Variants in ATP9A observed in about 807,000 individuals in gnomAD.
The protein encoded by ATP9A is probable phospholipid-transporting ATPase IIA.
Under a neutral mutation model 144.1 loss-of-function variants are expected in ATP9A, and 52 were observed. The ratio of observed to expected loss-of-function variants is 0.36; its 90% CI spans 0.29 to 0.45. The LOEUF is 0.45. Ranked by LOEUF, ATP9A falls within the 20% of genes least tolerant of loss-of-function variation. The pLI is 1.00. For missense variants in ATP9A, 947 were observed against 1,392.7 expected (o/e 0.68, Z 5.09); for synonymous variants, 582 against 557.4 (o/e 1.04, Z -0.62).
At chr20:51,610,728 G>C (rs1462951471) in intron 23 of ATP9A, among the ~76,000 whole-genome samples, 1 of 152,112 alleles carries the variant, frequency 6.6e-6, no homozygotes, top group Non-Finnish European at 1.5e-5. Flanking sequence ...GCTAACCAAA[G>C]TGCCGTAGGT....
At chr20:51,735,386 G>T (rs889473219) in intron 1 of ATP9A, among the ~76,000 whole-genome samples, 4 of 151,998 alleles carry the variant, frequency 2.6e-5, no homozygotes, top group African/African-American at 9.7e-5. Flanking sequence ...CTCCCTTTCA[G>T]GAAGAAGGAG....
At chr20:51,617,642 T>C (rs1292009350) in intron 21 of ATP9A, 88 bp from the exon 22 acceptor site, 6 of 1,463,320 alleles carry the variant, frequency 4.1e-6, no homozygotes, top group Non-Finnish European at 5.6e-6. Context: ...CTCTCGTCTT[T>C]CACGGAGCGC....
intron 14 of ATP9A, among the ~76,000 whole-genome samples, chr20:51,641,825 C>G (rs1301533258): frequency 4.5e-5 from 2 of 44,108 alleles, no homozygotes; most frequent in Non-Finnish European, 1.4e-4. Flanking sequence ...GAGCGAAACT[C>G]CATCTCAAAA....
chr20:51,631,670 T>C (rs542324031), intron 15 of ATP9A, among the ~76,000 whole-genome samples: 23 of 152,314 alleles, frequency 1.5e-4, no homozygotes, highest in African/African-American at 5.3e-4. Context: ...GGCCTCATCT[T>C]TTCCCACCGT....
chr20:51,743,457 T>C (rs2077793772), intron 1 of ATP9A, among the ~76,000 whole-genome samples: 1 of 128,050 alleles, frequency 7.8e-6, no homozygotes, highest in South Asian at 2.5e-4. Context: ...TGGAGTGCAG[T>C]GGCGGGATCT....
At chr20:51,693,368 G>A (rs1214203457) in intron 7 of ATP9A, among the ~76,000 whole-genome samples, 1 of 152,222 alleles carries the variant, frequency 6.6e-6, no homozygotes, top group Non-Finnish European at 1.5e-5. Flanking sequence ...CAGAATGACA[G>A]ACCCGACAGG....
At chr20:51,685,146 T>C (rs550697371) in intron 9 of ATP9A, among the ~76,000 whole-genome samples, 4 of 152,088 alleles carry the variant, frequency 2.6e-5, no homozygotes, top group African/African-American at 9.6e-5. Context: ...GGGCAAAAAT[T>C]AGAAAGCCAA....
chr20:51,614,600 C>T (rs945924145), intron 22 of ATP9A, among the ~76,000 whole-genome samples: 2 of 152,068 alleles, frequency 1.3e-5, no homozygotes, highest in Non-Finnish European at 2.9e-5. Flanking sequence ...TGCACCTGGC[C>T]GAATTCTCTC....
intron 8 of ATP9A, among the ~76,000 whole-genome samples, chr20:51,690,491 A>C (rs2077543702): frequency 6.6e-6 from 1 of 152,226 alleles, no homozygotes; most frequent in South Asian, 2.1e-4. Context: ...GCCAGCGTTC[A>C]CATGAATTGC....
chr20:51,666,129 G>A (rs1270307636), intron 13 of ATP9A, among the ~76,000 whole-genome samples: 5 of 152,154 alleles, frequency 3.3e-5, no homozygotes, highest in Admixed American at 3.3e-4. Flanking sequence ...CATTAATTTT[G>A]GAGATGGAAC....
intron 9 of ATP9A, among the ~76,000 whole-genome samples, chr20:51,679,773 G>T (rs1407757129): frequency 6.6e-6 from 1 of 152,166 alleles, no homozygotes. Context: ...TGGGGTCAGG[G>T]CTATTCTGTG....
chr20:51,637,470 A>T (rs1011907905), intron 15 of ATP9A, among the ~76,000 whole-genome samples: 1 of 152,076 alleles, frequency 6.6e-6, no homozygotes, highest in Admixed American at 6.6e-5. Flanking sequence ...CAGGGAGAAG[A>T]CAGGTGGTGA....
intron 2 of ATP9A, 25 bp from the exon 3 acceptor site, chr20:51,725,957 A>G: frequency 7.4e-7 from 1 of 1,353,266 alleles, no homozygotes; most frequent in African/African-American, 1.4e-5. Context: ...GACAACAGAG[A>G]AAGACATTCA....
intron 25 of ATP9A, among the ~76,000 whole-genome samples, 199 bp from the exon 26 acceptor site, chr20:51,607,783 C>CA (rs2077169440): frequency 6.6e-6 from 1 of 152,122 alleles, no homozygotes. Context: ...GTGGCTCACA[C>CA]CTGTAATCCC....
chr20:51,655,913 T>C (rs2077385084), intron 14 of ATP9A, among the ~76,000 whole-genome samples: 1 of 152,122 alleles, frequency 6.6e-6, no homozygotes. Context: ...AAATAAAATG[T>C]AATATATCCA....
At chr20:51,649,979 T>C (rs961835358) in intron 14 of ATP9A, among the ~76,000 whole-genome samples, 1 of 150,632 alleles carries the variant, frequency 6.6e-6, no homozygotes, top group South Asian at 2.1e-4. Context: ...TGGCCAGCAA[T>C]TGCACTGCAG....
chr20:51,738,088 G>C (rs1182371661), intron 1 of ATP9A, among the ~76,000 whole-genome samples: 3 of 150,920 alleles, frequency 2.0e-5, no homozygotes, highest in Non-Finnish European at 4.4e-5. Context: ...GAGTGCAGTG[G>C]TGTGATCTTG....
intron 2 of ATP9A, among the ~76,000 whole-genome samples, chr20:51,727,581 CCTCAAAAAATAAAAAGTGAAACCCCAT>C (rs1484206379): frequency 1.3e-5 from 2 of 151,352 alleles, no homozygotes; most frequent in Non-Finnish European, 2.9e-5. Context: ...GAGTCCCCCA[CCTCAAAAAATAAAAAGTGAAACCCCAT>C]CTCAAAAAAT....
At chr20:51,650,041 A>G (rs920278435) in intron 14 of ATP9A, among the ~76,000 whole-genome samples, 5 of 152,190 alleles carry the variant, frequency 3.3e-5, no homozygotes, top group African/African-American at 1.2e-4. Context: ...GTGAGTAGAC[A>G]GGGTCTTGAA....
Sources: allele counts gnomAD v4.1 joint callset (sites outside exome capture counted in the v4.1 genomes callset), GRCh38; gene constraint gnomAD v4.1.1; transcripts MANE v1.5; gene names NCBI Gene and HGNC (gene_info 2026-07-23, HGNC 2026-07-21).